HS6ST3: variants seen among roughly 807,000 people sequenced by gnomAD.
The protein encoded by HS6ST3 is heparan sulfate 6-O-sulfotransferase 3.
HS6ST3 carries 12 observed loss-of-function variants against 36.7 expected under a neutral mutation model. The observed-to-expected ratio is 0.33, with a 90% CI of 0.21 to 0.53. The LOEUF is 0.53. Among genes scored for constraint, HS6ST3 ranks in the 20% least tolerant of loss-of-function variants. The pLI, the probability that HS6ST3 is intolerant of heterozygous loss-of-function variation, is 0.95. For missense variants in HS6ST3, 584 were observed against 640.9 expected, an observed-to-expected ratio of 0.91 and a Z score of 0.96; for synonymous variants, 240 against 257.5, an observed-to-expected ratio of 0.93 and a Z score of 0.65.
chr13:96,818,358 C>T (rs894271173), intron 1 of HS6ST3, among the ~76,000 whole-genome samples: 2 of 152,166 alleles, frequency 1.3e-5, no homozygotes, highest in Admixed American at 6.6e-5. Flanking sequence ...TGCTAATTAT[C>T]GTCAATAAGT....
At chr13:96,523,212 G>A (rs572530940) in intron 1 of HS6ST3, among the ~76,000 whole-genome samples, 78 of 152,200 alleles carry the variant, frequency 5.1e-4, no homozygotes, top group African/African-American at 1.8e-3. Context: ...TGGCTTGTAG[G>A]GTTTCTGCCG....
At chr13:96,594,312 A>G (rs978259898) in intron 1 of HS6ST3, among the ~76,000 whole-genome samples, 1 of 152,060 alleles carries the variant, frequency 6.6e-6, no homozygotes, top group Admixed American at 6.6e-5. Context: ...TTAACATTCA[A>G]GTGAGCATTC....
chr13:96,681,240 A>G (rs1325827018), intron 1 of HS6ST3, among the ~76,000 whole-genome samples: 2 of 152,172 alleles, frequency 1.3e-5, no homozygotes, highest in African/African-American at 4.8e-5. Context: ...GCTTTGTTAG[A>G]TAAGTCATTA....
chr13:96,446,894 A>G (rs1253436757), intron 1 of HS6ST3, among the ~76,000 whole-genome samples: 1 of 152,134 alleles, frequency 6.6e-6, no homozygotes, highest in Non-Finnish European at 1.5e-5. Context: ...TGAGACTATT[A>G]TCTACTTCAT....
chr13:96,688,213 T>TATA (rs536989647), intron 1 of HS6ST3, among the ~76,000 whole-genome samples: 1,804 of 75,076 alleles, frequency 0.024, 22 homozygotes, highest in Non-Finnish European at 0.038. Flanking sequence ...GAACTTAAAG[T>TATA]ATAATAATAA....
intron 1 of HS6ST3, among the ~76,000 whole-genome samples, chr13:96,709,198 C>A (rs1041211287): frequency 1.3e-5 from 2 of 152,184 alleles, no homozygotes; most frequent in African/African-American, 4.8e-5. Flanking sequence ...GAAGAAGGTG[C>A]CTGCTTCCCT....
At chr13:96,433,918 A>T (rs1332840040) in intron 1 of HS6ST3, among the ~76,000 whole-genome samples, 1 of 152,034 alleles carries the variant, frequency 6.6e-6, no homozygotes, top group Non-Finnish European at 1.5e-5. Context: ...CTGGGTGACA[A>T]GAGTGAAACT....
intron 1 of HS6ST3, among the ~76,000 whole-genome samples, chr13:96,737,628 T>C (rs1480710081): frequency 1.6e-5 from 1 of 61,548 alleles, no homozygotes; most frequent in African/African-American, 8.5e-5. Flanking sequence ...CGAGACTCCG[T>C]CTCAAAAAAA....
chr13:96,655,141 T>G (rs2056620333), intron 1 of HS6ST3, among the ~76,000 whole-genome samples: 1 of 152,152 alleles, frequency 6.6e-6, no homozygotes, highest in Non-Finnish European at 1.5e-5. Flanking sequence ...TCTGCCAATA[T>G]CCGTCAAGGG....
chr13:96,563,070 G>C (rs1448781110), intron 1 of HS6ST3, among the ~76,000 whole-genome samples: 1 of 150,760 alleles, frequency 6.6e-6, no homozygotes, highest in African/African-American at 2.4e-5. Context: ...GTCCAAGGCT[G>C]GAAAGCCAGT....
At chr13:96,524,897 G>A (rs1175639874) in intron 1 of HS6ST3, among the ~76,000 whole-genome samples, 1 of 152,174 alleles carries the variant, frequency 6.6e-6, no homozygotes, top group East Asian at 1.9e-4. Context: ...GATGAACCAG[G>A]TACCTTAGAT....
chr13:96,831,965 A>AC (rs1566464276), intron 1 of HS6ST3, among the ~76,000 whole-genome samples: 1 of 146,696 alleles, frequency 6.8e-6, no homozygotes, highest in Non-Finnish European at 1.5e-5. Flanking sequence ...AAAAAAAAAA[A>AC]AAAAAAAAAA....
chr13:96,298,637 C>T (rs2054866820), intron 1 of HS6ST3, among the ~76,000 whole-genome samples: 2 of 152,122 alleles, frequency 1.3e-5, no homozygotes, highest in South Asian at 4.1e-4. Context: ...AAAGCAGCAC[C>T]CAAATTGTTC....
At chr13:96,418,050 A>G (rs1415845323) in intron 1 of HS6ST3, among the ~76,000 whole-genome samples, 1 of 152,104 alleles carries the variant, frequency 6.6e-6, no homozygotes, top group Non-Finnish European at 1.5e-5. Context: ...TGACACATGT[A>G]TTTTCTTCAT....
intron 1 of HS6ST3, among the ~76,000 whole-genome samples, chr13:96,486,214 A>C (rs901391741): frequency 1.1e-4 from 16 of 152,144 alleles, no homozygotes; most frequent in African/African-American, 3.6e-4. Flanking sequence ...TTATGGCTGC[A>C]TAGTATTCTA....
At chr13:96,573,994 G>A (rs902140653) in intron 1 of HS6ST3, 22 of 541,228 alleles carry the variant, frequency 4.1e-5, no homozygotes, top group Non-Finnish European at 7.9e-5. Flanking sequence ...GCTTTCCACA[G>A]CCACGACTTC....
intron 1 of HS6ST3, among the ~76,000 whole-genome samples, chr13:96,294,690 T>A (rs1338361230): frequency 1.3e-5 from 2 of 152,156 alleles, no homozygotes. Context: ...GATTATAAGT[T>A]TATATGCTTA....
chr13:96,406,360 T>A (rs2055478392), intron 1 of HS6ST3, among the ~76,000 whole-genome samples: 1 of 152,188 alleles, frequency 6.6e-6, no homozygotes, highest in Non-Finnish European at 1.5e-5. Context: ...GTACAACCAT[T>A]ACCTATTTTT....
chr13:96,170,238 T>A (rs2054181243), intron 1 of HS6ST3, among the ~76,000 whole-genome samples: 1 of 152,230 alleles, frequency 6.6e-6, no homozygotes, highest in South Asian at 2.1e-4. Context: ...TTATATTCAA[T>A]CTGCACCACC....
Sources: gnomAD v4.1 joint callset for allele counts (sites outside exome capture counted in the v4.1 genomes callset) on GRCh38, gnomAD v4.1.1 for gene constraint, MANE v1.5 for transcripts, NCBI Gene and HGNC (gene_info 2026-07-23, HGNC 2026-07-21) for gene names.